The following SPTLC1 variants were observed in gnomAD, a reference collection of about 807,000 sequenced individuals.
The protein encoded by SPTLC1 is serine palmitoyltransferase long chain base subunit 1, also known as serine palmitoyltransferase 1.
SPTLC1 carries 55 observed loss-of-function variants against 68.9 expected under a neutral mutation model. That is an observed-to-expected ratio of 0.80 (90% CI 0.64 to 1.00). The LOEUF (loss-of-function observed/expected upper bound fraction) is 1.00. Ranked by LOEUF, SPTLC1 falls within the 50% of genes least tolerant of loss-of-function variation. The pLI is 0.00. For missense variants in SPTLC1, 449 were observed against 573.1 expected (o/e 0.78, Z 2.21); for synonymous variants, 197 against 201.6 (o/e 0.98, Z 0.19).
chr9:92,095,159 A>C (rs1307469090), intron 3 of SPTLC1, among the ~76,000 whole-genome samples: 15 of 152,226 alleles, frequency 9.9e-5, no homozygotes, highest in Non-Finnish European at 2.1e-4. Context: ...GCATTCAAAG[A>C]AGCAGAAGAC....
chr9:92,067,923 T>C lies in SPTLC1; in HGVS notation c.560+43A>G, dbSNP rs759847112. ...ATTTCTCTAAGACAGTCAGTATTAT[T>C]TCAAAGGAACTGCTATTAGAAAACT... is the stretch of plus-strand genomic sequence containing the variant. On this transcript the variant is annotated intron_variant, in intron 6 of 14. Coordinates refer to ENST00000262554, the MANE Select transcript of SPTLC1 (RefSeq NM_006415.4). 4 of 1,597,196 alleles carry C rather than the reference T, an allele frequency of 2.5e-6. No homozygotes were observed. In the East Asian group the frequency reaches 6.7e-5, roughly 27 times the overall value.
At chr9:92,088,398 C>T (rs547508559) in intron 3 of SPTLC1, among the ~76,000 whole-genome samples, 137 of 152,230 alleles carry the variant, frequency 9.0e-4, no homozygotes, top group African/African-American at 3.0e-3. Flanking sequence ...GGCTGCCCTC[C>T]GGGCTTCTCT....
chr9:92,105,285 C>G (rs1396764450), intron 3 of SPTLC1: 1 of 1,534,202 alleles, frequency 6.5e-7, no homozygotes, highest in Non-Finnish European at 8.7e-7. Flanking sequence ...TCTCCTGAGG[C>G]ACTGTTGGTG....
At chr9:92,095,551 G>A (rs1446221608) in intron 3 of SPTLC1, among the ~76,000 whole-genome samples, 4 of 152,134 alleles carry the variant, frequency 2.6e-5, no homozygotes, top group Admixed American at 6.5e-5. Flanking sequence ...AGAAATATAT[G>A]CAGCAACTCT....
chr9:92,108,565 C>T, intron 3 of SPTLC1, 175 bp downstream of exon 3: 3 of 827,050 alleles, frequency 3.6e-6, no homozygotes, highest in South Asian at 1.8e-5. Flanking sequence ...TTAAAAAATG[C>T]CTGTATCATC....
At chr9:92,042,460 T>G (rs988549292) in intron 12 of SPTLC1, among the ~76,000 whole-genome samples, 2 of 152,182 alleles carry the variant, frequency 1.3e-5, no homozygotes, top group African/African-American at 4.8e-5. Flanking sequence ...AATATTCTTA[T>G]GAATCAGCAA....
chr9:92,107,154 T>C (rs530320207), intron 3 of SPTLC1, among the ~76,000 whole-genome samples: 6 of 152,274 alleles, frequency 3.9e-5, no homozygotes, highest in African/African-American at 1.4e-4. Flanking sequence ...CTAGACAATT[T>C]TGAAGAACAC....
rs746824163 is a variant in SPTLC1 at position 92,045,985 on chromosome 9, T to C, written c.1136+14A>G. ...AGATAAACTTTATGTTGGTTGAAAATATATAAAACTCACCCTTGTAAAGCT... is the reference window on the plus strand; with the variant it reads ...AGATAAACTTTATGTTGGTTGAAAACATATAAAACTCACCCTTGTAAAGCT... On this transcript the variant is annotated intron_variant, in intron 12 of 14. Transcript: ENST00000262554. 1.7e-5 allele frequency: 27 copies of C among 1,610,326 alleles called. No individual in the cohort carries two copies. The highest frequency in any genetic ancestry group is 2.1e-5 in the Non-Finnish European group (25 of 1,177,098).
chr9:92,067,973 CA>C lies in SPTLC1; in HGVS notation c.552del (p.Ile184MetfsTer4), dbSNP rs1834351883. The C allele has an allele frequency of 6.2e-7, 1 of 1,613,904 alleles. No individual in the cohort carries two copies. The highest frequency in any genetic ancestry group is 8.5e-7 in the Non-Finnish European group (1 of 1,179,964). On this transcript the variant is annotated frameshift_variant, in exon 6 of 15. Coordinates refer to ENST00000262554, the MANE Select transcript of SPTLC1 (RefSeq NM_006415.4). LOFTEE classifies it high-confidence loss of function. Reference protein sequence around the residue: ...AIPAYSKRGDIVFVDRAACFA... With the variant: ...AIPAYSKRGDXVFVDRAACFA... ...TACGTAAAGTTTACTTACACAAAAA[CA>C]ATGTCCCCTCTTTTAGAGTAAGCAG...
At chr9:92,041,601 G>A (rs1050654720) in intron 12 of SPTLC1, among the ~76,000 whole-genome samples, 2 of 152,232 alleles carry the variant, frequency 1.3e-5, no homozygotes, top group Admixed American at 6.5e-5. Flanking sequence ...CCATGAAGCA[G>A]AAAGAGTGGA....
rs781260350 is a variant in SPTLC1 at position 92,080,941 on chromosome 9, CCA to C, written c.281_282del (p.Val94GlyfsTer13). 1 of 1,614,112 alleles carries C rather than the reference CCA, an allele frequency of 6.2e-7. No homozygotes were observed. The highest frequency in any genetic ancestry group is 8.5e-7 in the Non-Finnish European group (1 of 1,179,988). On this transcript the variant is annotated frameshift_variant, in exon 4 of 15. Coordinates refer to ENST00000262554, the MANE Select transcript of SPTLC1 (RefSeq NM_006415.4). LOFTEE classifies it high-confidence loss of function. ...IVSGPPSHKT[V>X]VNGKECINFA... The stretch of plus-strand genomic sequence containing the variant: ...AAGTTTATACATTCTTTTCCATTCA[CCA>C]CAGTTTTGTGGCTTGGAGGGCTAGG...
intron 6 of SPTLC1, among the ~76,000 whole-genome samples, chr9:92,061,923 T>C (rs995022858): frequency 6.6e-6 from 1 of 152,056 alleles, no homozygotes; most frequent in Non-Finnish European, 1.5e-5. Context: ...AAACACAAAG[T>C]AGAGTGAACA....
chr9:92,082,916 T>C (rs1370445407), intron 3 of SPTLC1, among the ~76,000 whole-genome samples: 2 of 152,194 alleles, frequency 1.3e-5, no homozygotes, highest in Admixed American at 1.3e-4. Flanking sequence ...TTCCTGACTT[T>C]TGAATGACTG....
intron 2 of SPTLC1, 183 bp from the exon 3 acceptor site, chr9:92,109,017 C>G (rs1836120570): frequency 1.2e-6 from 1 of 858,916 alleles, no homozygotes; most frequent in Non-Finnish European, 1.7e-6. Context: ...TACATAATGA[C>G]CCACCAGACA....
Position 92,050,397 on chromosome 9 carries a change from G to A in SPTLC1, c.781-330C>T, listed in dbSNP as rs75105565. On this transcript the variant is annotated intron_variant, in intron 8 of 14. Coordinates refer to ENST00000262554, the MANE Select transcript of SPTLC1 (RefSeq NM_006415.4). ...TGGCCTATTTACTGCCACTTTTTTG[G>A]ACTTCTGTGCTTTTTGTTGGTGATT... 1.2e-3 allele frequency: 387 copies of A among 310,464 alleles called. 1 individual carries two copies. Among genetic ancestry groups the A allele is most frequent in the African/African-American group, 7.7e-3 (357 of 46,074 alleles). The allele number at this position is 310,464 out of a possible 1,614,324, so 19.2% of individuals were successfully genotyped here. A position where few individuals can be genotyped will look rare whatever the true frequency, so the allele number is the denominator to read the frequency against.
chr9:92,098,749 T>C (rs1564114644), intron 3 of SPTLC1, among the ~76,000 whole-genome samples: 1 of 152,070 alleles, frequency 6.6e-6, no homozygotes, highest in African/African-American at 2.4e-5. Flanking sequence ...AATCTATCTA[T>C]AATCTACTGT....
At chr9:92,090,253 T>C (rs961494559) in intron 3 of SPTLC1, among the ~76,000 whole-genome samples, 3 of 151,982 alleles carry the variant, frequency 2.0e-5, no homozygotes, top group Non-Finnish European at 4.4e-5. Context: ...GGAGTGGGGA[T>C]GGGGAACAAC....
intron 6 of SPTLC1, among the ~76,000 whole-genome samples, chr9:92,060,540 A>C (rs1273866584): frequency 6.6e-6 from 1 of 152,174 alleles, no homozygotes; most frequent in Non-Finnish European, 1.5e-5. Flanking sequence ...CTAAAATAAG[A>C]AGCTTAGTGG....
chr9:92,054,009 T>G (rs1222856169), intron 8 of SPTLC1: 1 of 983,430 alleles, frequency 1.0e-6, no homozygotes, highest in African/African-American at 1.7e-5. Flanking sequence ...TGGCCATGCG[T>G]GGTGGCTCAC....
Sources: allele counts gnomAD v4.1 joint callset (sites outside exome capture counted in the v4.1 genomes callset), GRCh38; gene constraint gnomAD v4.1.1; transcripts MANE v1.5; gene names NCBI Gene and HGNC (gene_info 2026-07-23, HGNC 2026-07-21).